IL15: variants seen among roughly 807,000 people sequenced by gnomAD.
IL15 encodes the protein interleukin 15.
In IL15, 11 loss-of-function variants were observed where a neutral mutation model predicts 19.6. The observed-to-expected ratio is 0.56, with a 90% CI of 0.35 to 0.93. The LOEUF is 0.93. Ranked by LOEUF, IL15 falls within the 40% of genes least tolerant of loss-of-function variation. The pLI, the probability that IL15 is intolerant of heterozygous loss-of-function variation, is 0.01. For missense variants in IL15, 197 were observed against 186.5 expected, an observed-to-expected ratio of 1.06 and a Z score of -0.33; for synonymous variants, 58 against 59.6, an observed-to-expected ratio of 0.97 and a Z score of 0.12.
chr4:141,707,592 A>T (rs1298585649), intron 2 of IL15, among the ~76,000 whole-genome samples: 1 of 152,214 alleles, frequency 6.6e-6, no homozygotes, highest in Non-Finnish European at 1.5e-5. Flanking sequence ...TAAGTTCAGC[A>T]TGGTGAATGG....
At position 141,645,135 on chromosome 4, in the gene IL15, T is replaced by A. The variant is rs115514483; in HGVS notation, c.-222+8387T>A. 9.7e-3 allele frequency among the ~76,000 whole-genome samples: 1,484 copies of A among 152,284 alleles called. 25 individuals carry two copies. Among genetic ancestry groups the A allele is most frequent in the African/African-American group, 0.034 (1,427 of 41,568 alleles). On this transcript the variant is annotated intron_variant, in intron 1 of 7. Transcript: ENST00000320650. ...TTTTTAAGTTCAATGATATTTAGAA[T>A]TCGGGGGGCTTCCTATGAATTTTAT...
chr4:141,710,786 T>G (rs1439452068), intron 2 of IL15, among the ~76,000 whole-genome samples: 1 of 152,152 alleles, frequency 6.6e-6, no homozygotes, highest in Admixed American at 6.5e-5. Context: ...CATGTCTGGC[T>G]TGGGTTTTTT....
intron 2 of IL15, among the ~76,000 whole-genome samples, chr4:141,666,658 C>A (rs930364734): frequency 3.9e-5 from 6 of 151,976 alleles, no homozygotes; most frequent in Non-Finnish European, 8.8e-5. Context: ...TGCTTCCCCC[C>A]ACTTTTTTTT....
At chr4:141,701,116 A>C (rs915169846) in intron 2 of IL15, among the ~76,000 whole-genome samples, 1 of 151,890 alleles carries the variant, frequency 6.6e-6, no homozygotes, top group Non-Finnish European at 1.5e-5. Context: ...TTTATCTGGC[A>C]TTTCAGAGAT....
chr4:141,696,381 T>C (rs755605248), intron 2 of IL15, among the ~76,000 whole-genome samples: 17 of 152,154 alleles, frequency 1.1e-4, no homozygotes, highest in Admixed American at 4.6e-4. Context: ...TACAATATTC[T>C]TTTTGCTCTG....
chr4:141,732,816 C>T lies in IL15; in HGVS notation c.457C>T (p.His153Tyr). The change falls in exon 8 of 8, where the codon CAT becomes TAT. Residue 153 changes from histidine (H) to tyrosine (Y), a missense_variant. Transcript: ENST00000320650. ...NIKEFLQSFV[H>Y]IVQMFINTS ...TAAAGAATTTTTGCAGAGTTTTGTA[C>T]ATATTGTCCAAATGTTCATCAACAC... The T allele has an allele frequency of 6.2e-7, 1 of 1,611,294 alleles. No homozygotes were observed. The highest frequency in any genetic ancestry group is 8.5e-7 in the Non-Finnish European group (1 of 1,179,258).
At chr4:141,642,247 G>A (rs1727070629) in intron 1 of IL15, among the ~76,000 whole-genome samples, 1 of 152,078 alleles carries the variant, frequency 6.6e-6, no homozygotes, top group Non-Finnish European at 1.5e-5. Context: ...TTATGAAAGA[G>A]GAAGTGAGGA....
intron 2 of IL15, among the ~76,000 whole-genome samples, chr4:141,668,658 T>G (rs926081787): frequency 2.6e-5 from 4 of 152,166 alleles, no homozygotes; most frequent in African/African-American, 9.7e-5. Context: ...CCTCTTCCTT[T>G]TTTCTCTTTG....
intron 1 of IL15, among the ~76,000 whole-genome samples, chr4:141,643,243 A>T (rs1398081156): frequency 3.3e-5 from 5 of 152,158 alleles, no homozygotes; most frequent in African/African-American, 1.2e-4. Flanking sequence ...GGTCTTTCCC[A>T]ATACCATGTA....
chr4:141,673,284 C>T (rs1388123270), intron 2 of IL15, among the ~76,000 whole-genome samples: 2 of 152,152 alleles, frequency 1.3e-5, no homozygotes, highest in Non-Finnish European at 2.9e-5. Flanking sequence ...ATACAATGAC[C>T]TATCTTTTCA....
At position 141,730,015 on chromosome 4, in the gene IL15, A is replaced by G. The variant is rs762970498; in HGVS notation, c.378+31A>G. The G allele has an allele frequency of 3.2e-6, 5 of 1,574,204 alleles. No individual in the cohort carries two copies. The South Asian group carries it at 4.5e-5, about 14-fold the overall frequency. On this transcript the variant is annotated intron_variant, in intron 7 of 7. Transcript: ENST00000320650. The stretch of plus-strand genomic sequence containing the variant: ...TTTTCCAACAGTTGCTTAGAGTTGC[A>G]TCTTATGTTTTGGGCCTGATTTGGA...
At chr4:141,666,192 C>T (rs1003695571) in intron 2 of IL15, among the ~76,000 whole-genome samples, 1 of 152,002 alleles carries the variant, frequency 6.6e-6, no homozygotes, top group Non-Finnish European at 1.5e-5. Context: ...GCTCCGCCTC[C>T]CGGGTTGACG....
At chr4:141,721,375 G>A (rs1035769653) in intron 4 of IL15, among the ~76,000 whole-genome samples, 14 of 152,234 alleles carry the variant, frequency 9.2e-5, no homozygotes, top group African/African-American at 3.1e-4. Context: ...TGATCATTCA[G>A]CCTACACTGG....
In IL15 at chr4:141,729,940, G is replaced by A. The variant is rs1286272528; in HGVS notation, c.334G>A (p.Glu112Lys). 2 of 1,604,746 alleles carry A rather than the reference G, an allele frequency of 1.2e-6. No homozygotes were observed. Among genetic ancestry groups the A allele is most frequent in the African/African-American group, 2.7e-5 (2 of 74,682 alleles). ...AGATGCAAGTATTCATGATACAGTA[G>A]AAAATCTGATCATCCTAGCAAACAA... ...SGDASIHDTV[E>K]NLIILANNSL... The change falls in exon 7 of 8, where the codon GAA (glutamate) becomes AAA (lysine). Residue 112 changes from glutamate (E) to lysine (K), a missense_variant. Transcript: ENST00000320650.
chr4:141,681,970 T>C (rs1728549003), intron 2 of IL15, among the ~76,000 whole-genome samples: 1 of 152,192 alleles, frequency 6.6e-6, no homozygotes, highest in African/African-American at 2.4e-5. Flanking sequence ...CACAAACTTA[T>C]AGCTCAGGTT....
intron 2 of IL15, among the ~76,000 whole-genome samples, chr4:141,671,256 GATA>G (rs975639111): frequency 2.6e-5 from 4 of 152,012 alleles, no homozygotes; most frequent in Admixed American, 1.3e-4. Context: ...TCTAAGTCCA[GATA>G]ATAATAATAA....
At chr4:141,712,988 G>A (rs1267703516) in intron 2 of IL15, among the ~76,000 whole-genome samples, 1 of 151,682 alleles carries the variant, frequency 6.6e-6, no homozygotes, top group African/African-American at 2.4e-5. Flanking sequence ...ATATTGTGTA[G>A]CCTTATAAGA....
At chr4:141,638,561 T>C (rs925168904) in intron 1 of IL15, among the ~76,000 whole-genome samples, 1 of 152,240 alleles carries the variant, frequency 6.6e-6, no homozygotes, top group Non-Finnish European at 1.5e-5. Flanking sequence ...CTACTGGTGA[T>C]TAAAATGATG....
chr4:141,648,370 G>T (rs961674995), intron 1 of IL15, among the ~76,000 whole-genome samples: 1 of 151,984 alleles, frequency 6.6e-6, no homozygotes, highest in Admixed American at 6.6e-5. Context: ...CAAAGTAAAT[G>T]CTTCAGTAAA....
Sources: gnomAD v4.1 joint callset for allele counts (sites outside exome capture counted in the v4.1 genomes callset) on GRCh38, gnomAD v4.1.1 for gene constraint, MANE v1.5 for transcripts, NCBI Gene and HGNC (gene_info 2026-07-23, HGNC 2026-07-21) for gene names.